TCEA1: variants seen among roughly 807,000 people sequenced by gnomAD.
TCEA1 encodes transcription elongation factor A protein 1.
Under a neutral mutation model 43.8 loss-of-function variants are expected in TCEA1, and 21 were observed. The observed-to-expected ratio is 0.48, with a 90% CI of 0.34 to 0.69. The LOEUF (loss-of-function observed/expected upper bound fraction) is 0.69. Ranked by LOEUF, TCEA1 falls within the 30% of genes least tolerant of loss-of-function variation. The pLI is 0.01. For missense variants in TCEA1, 250 were observed against 365.1 expected (o/e 0.68, Z 2.57); for synonymous variants, 104 against 117.5 (o/e 0.88, Z 0.75).
intron 9 of TCEA1, among the ~76,000 whole-genome samples, chr8:53,968,460 T>C (rs1439695025): frequency 1.3e-5 from 2 of 152,166 alleles, no homozygotes; most frequent in Non-Finnish European, 2.9e-5. Context: ...TTGAACTTTC[T>C]TAAATTCAAT....
chr8:54,003,935 G>C (rs965159687), intron 2 of TCEA1, among the ~76,000 whole-genome samples: 8 of 148,846 alleles, frequency 5.4e-5, no homozygotes, highest in African/African-American at 2.0e-4. Flanking sequence ...ATTACAACTC[G>C]ATTAAAAAAA....
At position 53,970,394 on chromosome 8, in the gene TCEA1, T is replaced by TCC; in HGVS notation, c.893_894dup (p.Lys299GlyfsTer16). The TCC allele has an allele frequency of 6.2e-7, 1 of 1,603,888 alleles. No homozygotes were observed. Among genetic ancestry groups the TCC allele is most frequent in the Non-Finnish European group, 8.5e-7 (1 of 1,171,640 alleles). On this transcript the variant is annotated frameshift_variant, in exon 9 of 10. Coordinates refer to ENST00000521604, the MANE Select transcript of TCEA1 (RefSeq NM_006756.4). LOFTEE classifies it high-confidence loss of function. Reference sequence around the variant, plus strand: ...TATGAATCCAAGAGAGTCCATACCTTCCATCGATTTCCACATTCATTACAG... The same window carrying TCC: ...TATGAATCCAAGAGAGTCCATACCTTCCCCATCGATTTCCACATTCATTACAG...
At chr8:54,009,180 A>G (rs2129312021) in intron 2 of TCEA1, among the ~76,000 whole-genome samples, 1 of 151,880 alleles carries the variant, frequency 6.6e-6, no homozygotes, top group African/African-American at 2.4e-5. Flanking sequence ...AAAAAAAAAC[A>G]GATGCTGGTG....
chr8:53,968,544 T>C lies in TCEA1; in HGVS notation c.898-432A>G, dbSNP rs74696368. 4.9e-3 allele frequency among the ~76,000 whole-genome samples: 752 copies of C among 152,140 alleles called. 3 individuals are homozygous for C. The highest frequency in any genetic ancestry group is 8.0e-3 in the Non-Finnish European group (547 of 68,004). On this transcript the variant is annotated intron_variant, in intron 9 of 9. Transcript: ENST00000521604. ...AACTGCACTGTACACCTCATCACCATAATAAAAATGATCCATCAGCTGGGC... is the reference window on the plus strand; with the variant it reads ...AACTGCACTGTACACCTCATCACCACAATAAAAATGATCCATCAGCTGGGC...
rs779476386 is a variant in TCEA1, at chr8:53,988,163, A to G, written c.417T>C (p.Ser139=). The change falls in exon 5 of 10, where the codon TCT becomes TCC. Residue 139 remains serine, a synonymous_variant. Coordinates refer to ENST00000521604, the MANE Select transcript of TCEA1 (RefSeq NM_006756.4). The part of the protein sequence containing the change: ...SFPRAPSTSD[S]VRLKCREMLA... Reference sequence around the variant, plus strand: ...GCATCTCCCTACACTTCAACCGCACAGAATCAGAAGTGCTTGGTGCCCGAG... The same window carrying G: ...GCATCTCCCTACACTTCAACCGCACGGAATCAGAAGTGCTTGGTGCCCGAG... 1 of 1,612,898 alleles carries G rather than the reference A, an allele frequency of 6.2e-7. No individual in the cohort carries two copies. Among genetic ancestry groups the G allele is most frequent in the South Asian group, 1.1e-5 (1 of 90,906 alleles).
intron 1 of TCEA1, among the ~76,000 whole-genome samples, chr8:54,020,717 T>C (rs1804995850): frequency 6.6e-6 from 1 of 152,228 alleles, no homozygotes; most frequent in African/African-American, 2.4e-5. Context: ...CAAAAGAATT[T>C]TGAGCAGATG....
chr8:54,009,406 G>A (rs1255514530), intron 2 of TCEA1, among the ~76,000 whole-genome samples: 1 of 152,090 alleles, frequency 6.6e-6, no homozygotes, highest in Non-Finnish European at 1.5e-5. Context: ...CAATAGCCAA[G>A]ATATGGAATC....
intron 3 of TCEA1, among the ~76,000 whole-genome samples, chr8:53,995,697 G>A (rs1363630749): frequency 2.0e-5 from 3 of 152,088 alleles, no homozygotes; most frequent in Non-Finnish European, 4.4e-5. Context: ...GCCAAGCTCC[G>A]AACCAGATCC....
At chr8:54,013,462 T>C (rs1804718703) in intron 1 of TCEA1, among the ~76,000 whole-genome samples, 1 of 152,022 alleles carries the variant, frequency 6.6e-6, no homozygotes, top group African/African-American at 2.4e-5. Flanking sequence ...AGGATCAACC[T>C]GAGCTCAGGA....
At chr8:54,009,595 T>C (rs1455976272) in intron 2 of TCEA1, among the ~76,000 whole-genome samples, 1 of 152,204 alleles carries the variant, frequency 6.6e-6, no homozygotes, top group East Asian at 1.9e-4. Context: ...TTCTCACTCC[T>C]ATGTGAGAGC....
intron 8 of TCEA1, chr8:53,978,786 T>C: frequency 2.5e-6 from 1 of 393,824 alleles, no homozygotes; most frequent in South Asian, 6.5e-5. Context: ...TTATTGTTAA[T>C]CTCTTCCTAT....
At chr8:54,001,026 G>C (rs1355929617) in intron 2 of TCEA1, among the ~76,000 whole-genome samples, 1 of 152,058 alleles carries the variant, frequency 6.6e-6, no homozygotes, top group African/African-American at 2.4e-5. Flanking sequence ...CCAAAGTGCT[G>C]GGATTACAAG....
chr8:53,985,969 GAA>G (rs1803679423), intron 6 of TCEA1, among the ~76,000 whole-genome samples: 1 of 152,000 alleles, frequency 6.6e-6, no homozygotes, highest in African/African-American at 2.4e-5. Context: ...TCAATAACAG[GAA>G]AAACAAGACA....
intron 4 of TCEA1, among the ~76,000 whole-genome samples, chr8:53,990,129 T>C (rs981745048): frequency 6.6e-6 from 1 of 151,732 alleles, no homozygotes; most frequent in Non-Finnish European, 1.5e-5. Context: ...GACTGAAAGG[T>C]TGAGGCTGCA....
At chr8:53,979,567 G>T (rs868751628) in intron 7 of TCEA1, among the ~76,000 whole-genome samples, 10 of 152,202 alleles carry the variant, frequency 6.6e-5, no homozygotes, top group African/African-American at 1.9e-4. Flanking sequence ...TGCAAAGATG[G>T]TAACAGTCCT....
At chr8:53,974,528 G>A (rs1169714873) in intron 8 of TCEA1, among the ~76,000 whole-genome samples, 1 of 149,282 alleles carries the variant, frequency 6.7e-6, no homozygotes, top group Non-Finnish European at 1.5e-5. Context: ...GGGGGTAGTG[G>A]GGGTGGGGGT....
chr8:54,011,845 T>C (rs1343081687), intron 1 of TCEA1, among the ~76,000 whole-genome samples: 3 of 152,170 alleles, frequency 2.0e-5, no homozygotes, highest in Non-Finnish European at 4.4e-5. Context: ...TAACAAAGAG[T>C]TACATCATTT....
intron 9 of TCEA1, among the ~76,000 whole-genome samples, chr8:53,968,722 G>A (rs943515406): frequency 6.6e-6 from 1 of 151,818 alleles, no homozygotes; most frequent in Non-Finnish European, 1.5e-5. Context: ...CCAGGTACTC[G>A]GAAGGCTGAG....
At chr8:54,013,129 T>C (rs1400259178) in intron 1 of TCEA1, among the ~76,000 whole-genome samples, 8 of 152,212 alleles carry the variant, frequency 5.3e-5, no homozygotes, top group African/African-American at 9.6e-5. Context: ...CAGGGTTTCC[T>C]AAGTATTAAG....
Sources: gnomAD v4.1 joint callset for allele counts (sites outside exome capture counted in the v4.1 genomes callset) on GRCh38, gnomAD v4.1.1 for gene constraint, MANE v1.5 for transcripts, NCBI Gene and HGNC (gene_info 2026-07-23, HGNC 2026-07-21) for gene names.